The following AOX1 variants were observed in gnomAD, a reference collection of about 807,000 sequenced individuals.
AOX1 encodes aldehyde oxidase.
In AOX1, 153 loss-of-function variants were observed where a neutral mutation model predicts 169.5. That is an observed-to-expected ratio of 0.90 (90% CI 0.79 to 1.03). The LOEUF is 1.03. AOX1 is among the 50% of genes least tolerant of loss of function. The pLI, the probability that AOX1 is intolerant of heterozygous loss-of-function variation, is 0.00. For missense variants in AOX1, 1,656 were observed against 1,663.9 expected (o/e 1.00, Z 0.08); for synonymous variants, 562 against 581.9 (o/e 0.97, Z 0.49).
intron 12 of AOX1, 57 bp from the exon 13 acceptor site, chr2:200,611,327 G>T: frequency 1.6e-6 from 2 of 1,234,804 alleles, no homozygotes; most frequent in Non-Finnish European, 1.2e-6. Context: ...CCTAAGTTTT[G>T]GAAGTTTATT....
chr2:200,609,063 G>A lies in AOX1; in HGVS notation c.987G>A (p.Glu329=). 1 of 1,614,052 alleles carries A rather than the reference G, an allele frequency of 6.2e-7. No homozygotes were observed. Among genetic ancestry groups the A allele is most frequent in the Non-Finnish European group, 8.5e-7 (1 of 1,180,000 alleles). The part of the protein sequence containing the change: ...LADVVQKLPE[E]KTQMYHALLK... The stretch of plus-strand genomic sequence containing the variant: ...ATGTAGTCCAGAAGCTTCCAGAGGA[G>A]AAGACACAGATGTACCATGCTCTCC... Residue 329 remains glutamate (E), a synonymous_variant, in exon 11 of 35, where the codon GAG becomes GAA. Coordinates refer to ENST00000374700, the MANE Select transcript of AOX1 (RefSeq NM_001159.4).
intron 5 of AOX1, among the ~76,000 whole-genome samples, chr2:200,601,111 A>T (rs1040412756): frequency 3.5e-5 from 5 of 143,860 alleles, no homozygotes; most frequent in African/African-American, 1.3e-4. Context: ...AGTGTTAAGA[A>T]TGAGGGGTTT....
chr2:200,648,768 G>C (rs2035518008), intron 25 of AOX1, among the ~76,000 whole-genome samples: 2 of 152,164 alleles, frequency 1.3e-5, no homozygotes, highest in South Asian at 4.1e-4. Flanking sequence ...TGCTGTGGCT[G>C]CTGTGGGGGA....
intron 30 of AOX1, among the ~76,000 whole-genome samples, chr2:200,662,409 G>A (rs1467316999): frequency 2.0e-5 from 3 of 152,200 alleles, no homozygotes; most frequent in Admixed American, 2.0e-4. Context: ...AGAGACCAGA[G>A]TAGAGACAAA....
chr2:200,666,929 T>G (rs2035933994), intron 32 of AOX1, among the ~76,000 whole-genome samples, 177 bp downstream of exon 32: 1 of 152,176 alleles, frequency 6.6e-6, no homozygotes, highest in Admixed American at 6.5e-5. Flanking sequence ...GGGAAGGAAA[T>G]AAAGGTGTTT....
chr2:200,668,230 C>T (rs1188497013), intron 32 of AOX1, among the ~76,000 whole-genome samples: 1 of 151,852 alleles, frequency 6.6e-6, no homozygotes, highest in African/African-American at 2.4e-5. Flanking sequence ...CTCAGCCTCC[C>T]GAGTAGCTGG....
At position 200,659,262 on chromosome 2, in the gene AOX1, T is replaced by G. The variant is rs755291285; in HGVS notation, c.3269T>G (p.Val1090Gly). 5 of 1,613,522 alleles carry G rather than the reference T, an allele frequency of 3.1e-6. No individual in the cohort carries two copies. The African/African-American group carries it at 6.7e-5, about 22-fold the overall frequency. Residue 1090 changes from valine to glycine, a missense_variant, in exon 28 of 35, where the codon GTG becomes GGG. Transcript: ENST00000374700. Reference sequence around the variant, plus strand: ...AATGCAAATATCTCTGGAGGTTCTGTGGTGGCAGATCTCAACGGTTTGGCA... The same window carrying G: ...AATGCAAATATCTCTGGAGGTTCTGGGGTGGCAGATCTCAACGGTTTGGCA... Reference protein sequence around the residue: ...VPNANISGGSVVADLNGLAVK... With the variant: ...VPNANISGGSGVADLNGLAVK...
intron 1 of AOX1, among the ~76,000 whole-genome samples, chr2:200,587,566 A>G (rs1443280382): frequency 3.9e-5 from 6 of 152,168 alleles, no homozygotes; most frequent in Non-Finnish European, 8.8e-5. Context: ...CCCAAATTGT[A>G]CATTAGGCCC....
intron 13 of AOX1, 47 bp from the exon 14 acceptor site, chr2:200,612,562 G>A: frequency 6.3e-7 from 1 of 1,590,926 alleles, no homozygotes; most frequent in African/African-American, 1.3e-5. Context: ...CCAGTGCATA[G>A]GTGATGCTCA....
At chr2:200,600,718 T>C (rs2105694053) in intron 5 of AOX1, among the ~76,000 whole-genome samples, 1 of 152,272 alleles carries the variant, frequency 6.6e-6, no homozygotes, top group East Asian at 1.9e-4. Flanking sequence ...TCATAAACTG[T>C]CTTCTGCCTG....
downstream of AOX1, among the ~76,000 whole-genome samples, chr2:200,675,162 C>T (rs548940140): frequency 3.3e-5 from 5 of 152,262 alleles, no homozygotes; most frequent in South Asian, 6.2e-4. Flanking sequence ...TCCTCCAGGA[C>T]GCAGGATGCT....
chr2:200,623,279 A>G (rs2034925824), intron 18 of AOX1, among the ~76,000 whole-genome samples: 1 of 152,058 alleles, frequency 6.6e-6, no homozygotes, highest in Non-Finnish European at 1.5e-5. Context: ...TAGCTGCCCC[A>G]CCTGCAGGCG....
chr2:200,588,757 TCTCA>T (rs2034101187), intron 1 of AOX1, among the ~76,000 whole-genome samples: 1 of 144,400 alleles, frequency 6.9e-6, no homozygotes, highest in Admixed American at 7.1e-5. Context: ...TGAGATCGAG[TCTCA>T]CTCTGTTGCC....
At chr2:200,632,563 T>C (rs1303374243) in intron 20 of AOX1, among the ~76,000 whole-genome samples, 1 of 152,078 alleles carries the variant, frequency 6.6e-6, no homozygotes, top group African/African-American at 2.4e-5. Flanking sequence ...GAAAGTCTAT[T>C]GTATATACTG....
chr2:200,626,861 A>G (rs1250246235), intron 19 of AOX1, among the ~76,000 whole-genome samples: 1 of 152,236 alleles, frequency 6.6e-6, no homozygotes, highest in Non-Finnish European at 1.5e-5. Flanking sequence ...TATCTTCACC[A>G]ACCACGATCC....
intron 17 of AOX1, 125 bp downstream of exon 17, chr2:200,620,944 T>A: frequency 7.6e-7 from 1 of 1,311,180 alleles, no homozygotes; most frequent in Non-Finnish European, 1.1e-6. Context: ...AGACCAGAGG[T>A]GAAACAGGAT....
chr2:200,659,432 C>A, intron 28 of AOX1, 139 bp downstream of exon 28: 2 of 885,592 alleles, frequency 2.3e-6, no homozygotes, highest in Non-Finnish European at 3.4e-6. Flanking sequence ...TGGTACAGCA[C>A]CCAGTGGTTC....
intron 34 of AOX1, 87 bp from the exon 35 acceptor site, chr2:200,670,542 T>C (rs2036009181): frequency 1.8e-6 from 2 of 1,117,984 alleles, no homozygotes; most frequent in Admixed American, 1.7e-5. Context: ...CCTCTGCTGG[T>C]GTTTAACCTA....
At chr2:200,609,482 A>G in intron 12 of AOX1, 68 bp downstream of exon 12, 2 of 1,294,800 alleles carry the variant, frequency 1.5e-6, no homozygotes, top group East Asian at 2.3e-5. Flanking sequence ...CTGGGGAGGC[A>G]GGAAATCCAG....
Sources: gnomAD v4.1 joint callset for allele counts (sites outside exome capture counted in the v4.1 genomes callset) on GRCh38, gnomAD v4.1.1 for gene constraint, MANE v1.5 for transcripts, NCBI Gene and HGNC (gene_info 2026-07-23, HGNC 2026-07-21) for gene names.